ATF6: variants seen among roughly 807,000 people sequenced by gnomAD.
ATF6 encodes the protein activating transcription factor 6.
ATF6 carries 53 observed loss-of-function variants against 83.6 expected under a neutral mutation model. That is an observed-to-expected ratio of 0.63 (90% CI 0.51 to 0.80). ATF6 has a LOEUF of 0.80. ATF6 is among the 30% of genes least tolerant of loss of function. The pLI is 0.00. For missense variants in ATF6, 744 were observed against 797.9 expected (o/e 0.93, Z 0.81); for synonymous variants, 288 against 285.8 (o/e 1.01, Z -0.08).
intron 9 of ATF6, among the ~76,000 whole-genome samples, chr1:161,825,642 G>C (rs1424016551): frequency 6.6e-6 from 1 of 152,204 alleles, no homozygotes; most frequent in Non-Finnish European, 1.5e-5. Flanking sequence ...TATAGGGGAA[G>C]AGTGCAGAGC....
intron 14 of ATF6, among the ~76,000 whole-genome samples, chr1:161,880,625 T>C (rs1210907653): frequency 6.6e-6 from 1 of 152,134 alleles, no homozygotes; most frequent in Non-Finnish European, 1.5e-5. Flanking sequence ...ACTGCTAATA[T>C]TCTGGTGTAG....
At chr1:161,844,670 A>G (rs1490623601) in intron 9 of ATF6, among the ~76,000 whole-genome samples, 2 of 152,156 alleles carry the variant, frequency 1.3e-5, no homozygotes, top group Admixed American at 1.3e-4. Flanking sequence ...TTCATAGCTT[A>G]CTTTCATAAT....
intron 9 of ATF6, among the ~76,000 whole-genome samples, chr1:161,824,267 T>C (rs1392536219): frequency 6.6e-6 from 1 of 151,950 alleles, no homozygotes; most frequent in Non-Finnish European, 1.5e-5. Context: ...CTGCCGGCAG[T>C]GCCCTTCCCT....
chr1:161,778,609 A>G (rs2101723784), intron 2 of ATF6, among the ~76,000 whole-genome samples: 1 of 152,272 alleles, frequency 6.6e-6, no homozygotes, highest in Non-Finnish European at 1.5e-5. Context: ...TTTGCTACAT[A>G]AGGGAATTGG....
intron 1 of ATF6, among the ~76,000 whole-genome samples, chr1:161,767,907 G>A (rs1302358467): frequency 1.3e-5 from 2 of 152,084 alleles, no homozygotes; most frequent in African/African-American, 2.4e-5. Context: ...CCAGGCTAGA[G>A]TGTAATGGCG....
At chr1:161,818,135 T>C (rs1324850236) in intron 7 of ATF6, among the ~76,000 whole-genome samples, 1 of 151,952 alleles carries the variant, frequency 6.6e-6, no homozygotes, top group Non-Finnish European at 1.5e-5. Context: ...GATTACATTC[T>C]TTAACTTTAT....
intron 14 of ATF6, among the ~76,000 whole-genome samples, chr1:161,866,077 A>C (rs1487860706): frequency 1.3e-5 from 2 of 152,182 alleles, no homozygotes; most frequent in Non-Finnish European, 2.9e-5. Flanking sequence ...TTAGGTTCTT[A>C]ATTTTATTGG....
rs982787115 is a variant in ATF6 at position 161,845,474 on chromosome 1, A to G, written c.1188-975A>G. On this transcript the variant is annotated intron_variant, in intron 9 of 15. Transcript: ENST00000367942. The stretch of plus-strand genomic sequence containing the variant: ...TCCTAAGCACTATTAATGAGTTAAA[A>G]GTGTTAATTAAGGCTGGGCGCAGTG... 9.8e-5 allele frequency among the ~76,000 whole-genome samples: 15 copies of G among 152,286 alleles called. No individual in the cohort carries two copies. The South Asian group carries it at 3.1e-3, about 32-fold the overall frequency.
chr1:161,879,588 A>C (rs1389077574), intron 14 of ATF6, among the ~76,000 whole-genome samples: 2 of 152,040 alleles, frequency 1.3e-5, no homozygotes, highest in African/African-American at 4.8e-5. Context: ...CTTCATGGAG[A>C]CCTAACAGCT....
intron 14 of ATF6, 67 bp downstream of exon 14, chr1:161,863,379 G>T: frequency 1.0e-6 from 1 of 989,090 alleles, no homozygotes; most frequent in East Asian, 2.4e-5. Context: ...ACATTGGGCT[G>T]AATATTGTGG....
At chr1:161,873,025 G>T (rs1687149300) in intron 14 of ATF6, among the ~76,000 whole-genome samples, 2 of 151,512 alleles carry the variant, frequency 1.3e-5, no homozygotes, top group South Asian at 4.1e-4. Context: ...ACAAGTCATT[G>T]TTCCTCCTCT....
chr1:161,953,025 A>T (rs1277465036), intron 15 of ATF6, among the ~76,000 whole-genome samples: 1 of 152,198 alleles, frequency 6.6e-6, no homozygotes, highest in Non-Finnish European at 1.5e-5. Flanking sequence ...CAACATAGGA[A>T]TAATAATAAT....
intron 4 of ATF6, among the ~76,000 whole-genome samples, chr1:161,789,263 T>TC (rs1457292496): frequency 6.9e-6 from 1 of 144,406 alleles, no homozygotes; most frequent in Non-Finnish European, 1.5e-5. Context: ...TTTTTTTTTT[T>TC]TTTTTTTTTT....
At chr1:161,871,331 A>T (rs932254344) in intron 14 of ATF6, among the ~76,000 whole-genome samples, 6 of 151,558 alleles carry the variant, frequency 4.0e-5, no homozygotes, top group African/African-American at 1.4e-4. Context: ...TTACTTTGAA[A>T]AAAGGCAGGA....
chr1:161,858,337 T>A (rs1686809050), intron 12 of ATF6, among the ~76,000 whole-genome samples: 1 of 152,062 alleles, frequency 6.6e-6, no homozygotes, highest in Non-Finnish European at 1.5e-5. Context: ...TCAAACTAGA[T>A]TTTTTTAAAA....
At chr1:161,838,922 C>T (rs1016917654) in intron 9 of ATF6, among the ~76,000 whole-genome samples, 1 of 152,202 alleles carries the variant, frequency 6.6e-6, no homozygotes, top group Non-Finnish European at 1.5e-5. Flanking sequence ...CAAAAATCAT[C>T]TCTGAACCAT....
At chr1:161,773,546 G>A (rs959780310) in intron 1 of ATF6, among the ~76,000 whole-genome samples, 12 of 152,124 alleles carry the variant, frequency 7.9e-5, no homozygotes, top group African/African-American at 2.2e-4. Flanking sequence ...GATTACAGGC[G>A]TGAGCCATCA....
intron 14 of ATF6, among the ~76,000 whole-genome samples, chr1:161,905,643 A>C (rs1022371052): frequency 6.6e-6 from 1 of 152,176 alleles, no homozygotes; most frequent in Non-Finnish European, 1.5e-5. Flanking sequence ...TTTTTCCTTA[A>C]GAAGACTTTT....
intron 15 of ATF6, among the ~76,000 whole-genome samples, chr1:161,924,089 A>G (rs1688264853): frequency 6.6e-6 from 1 of 152,194 alleles, no homozygotes; most frequent in Non-Finnish European, 1.5e-5. Context: ...AAGATGAGCC[A>G]CTTCATATAA....
Sources: allele counts gnomAD v4.1 joint callset (sites outside exome capture counted in the v4.1 genomes callset), GRCh38; gene constraint gnomAD v4.1.1; transcripts MANE v1.5; gene names NCBI Gene and HGNC (gene_info 2026-07-23, HGNC 2026-07-21).